Variants in HMGA2 observed in about 807,000 individuals in gnomAD.
HMGA2 encodes high mobility group AT-hook 2.
A neutral mutation model predicts 19.1 loss-of-function variants in HMGA2; 8 were observed. The ratio of observed to expected loss-of-function variants is 0.42; its 90% CI spans 0.25 to 0.76. The LOEUF (loss-of-function observed/expected upper bound fraction) is 0.76. Among genes scored for constraint, HMGA2 ranks in the 30% least tolerant of loss-of-function variants. The pLI is 0.28. For missense variants in HMGA2, 109 were observed against 136.3 expected, an observed-to-expected ratio of 0.80 and a Z score of 1.00; for synonymous variants, 60 against 48.8, an observed-to-expected ratio of 1.23 and a Z score of -0.96.
chr12:65,842,998 T>C, intron 3 of HMGA2: 1 of 462,112 alleles, frequency 2.2e-6, no homozygotes, highest in Non-Finnish European at 3.1e-6. Context: ...AACCAAATAA[T>C]GAAGACTACA....
chr12:65,938,942 C>T (rs1875989892), intron 3 of HMGA2, among the ~76,000 whole-genome samples: 1 of 152,084 alleles, frequency 6.6e-6, no homozygotes, highest in African/African-American at 2.4e-5. Flanking sequence ...CACTGGGCCC[C>T]CCAAATCTAA....
intron 4 of HMGA2, among the ~76,000 whole-genome samples, chr12:65,961,625 T>C (rs1333673582): frequency 6.6e-6 from 1 of 152,216 alleles, no homozygotes; most frequent in Non-Finnish European, 1.5e-5. Flanking sequence ...TTTGTATGTG[T>C]GTTTATTCCC....
At chr12:65,920,746 C>T (rs910252785) in intron 3 of HMGA2, among the ~76,000 whole-genome samples, 3 of 152,218 alleles carry the variant, frequency 2.0e-5, no homozygotes, top group African/African-American at 7.2e-5. Context: ...CCATGTGGAA[C>T]TGTAAGTCCA....
In HMGA2 at chr12:65,825,387, T is replaced by A; in HGVS notation, c.111+6T>A. The A allele has an allele frequency of 6.6e-7, 1 of 1,514,810 alleles. No homozygotes were observed. The highest frequency in any genetic ancestry group is 8.8e-7 in the Non-Finnish European group (1 of 1,134,414). The allele number at this position is 1,514,810 out of a possible 1,614,324, so 93.8% of individuals were successfully genotyped here. A position where few individuals can be genotyped will look rare whatever the true frequency, so the allele number is the denominator to read the frequency against. The stretch of plus-strand genomic sequence containing the variant: ...GCCCCAGGAAGCAGCAGCAAGTCAG[T>A]ACGAGGGCGCGGTGGGGGCACCAGC... On this transcript the variant is annotated splice_donor_region_variant and intron_variant, in intron 1 of 4. Coordinates refer to ENST00000403681, the MANE Select transcript of HMGA2 (RefSeq NM_003483.6). This position sits in a 1 kb window ranked among gnomAD's most constrained non-coding sequence, Gnocchi z 4.4.
At chr12:65,850,514 A>ATTT (rs75062051) in intron 3 of HMGA2, among the ~76,000 whole-genome samples, 1 of 143,890 alleles carries the variant, frequency 6.9e-6, no homozygotes, top group African/African-American at 2.5e-5. Flanking sequence ...AAGAGACCGA[A>ATTT]TTTTTTTTTT....
intron 3 of HMGA2, among the ~76,000 whole-genome samples, chr12:65,931,249 CT>C (rs1875699125): frequency 6.6e-6 from 1 of 152,062 alleles, no homozygotes; most frequent in African/African-American, 2.4e-5. Flanking sequence ...TCTTTATATT[CT>C]TTTAAGTTAT....
At chr12:65,837,816 A>G (rs919916824) in intron 2 of HMGA2, among the ~76,000 whole-genome samples, 2 of 152,204 alleles carry the variant, frequency 1.3e-5, no homozygotes, top group Admixed American at 6.5e-5. Flanking sequence ...AATAAAGTAC[A>G]TTTTTAATTA....
At chr12:65,904,191 T>G (rs952686803) in intron 3 of HMGA2, among the ~76,000 whole-genome samples, 2 of 152,082 alleles carry the variant, frequency 1.3e-5, no homozygotes, top group Non-Finnish European at 2.9e-5. Context: ...AATTAACTCA[T>G]GGGTTGAGAG....
chr12:65,906,688 G>T (rs944923021), intron 3 of HMGA2, among the ~76,000 whole-genome samples: 1 of 152,066 alleles, frequency 6.6e-6, no homozygotes, highest in Admixed American at 6.6e-5. Context: ...CCACTAGAAG[G>T]GTAGAGGGGG....
chr12:65,853,120 G>A (rs113053248), intron 3 of HMGA2, among the ~76,000 whole-genome samples: 2,696 of 152,258 alleles, frequency 0.018, 27 homozygotes, highest in Non-Finnish European at 0.029. Context: ...GTGGGGAACT[G>A]GGAGTGTGGC....
chr12:65,945,380 T>G (rs1876230698), intron 3 of HMGA2, among the ~76,000 whole-genome samples: 1 of 152,148 alleles, frequency 6.6e-6, no homozygotes, highest in Non-Finnish European at 1.5e-5. Context: ...GATCACATAA[T>G]TTCGTGAAAG....
intron 3 of HMGA2, chr12:65,858,055 T>C (rs1361981727): frequency 6.5e-6 from 1 of 152,722 alleles, no homozygotes. Flanking sequence ...AATGACCAGC[T>C]GGGAGGAACC....
At chr12:65,878,237 C>A (rs554311872) in intron 3 of HMGA2, among the ~76,000 whole-genome samples, 1 of 152,316 alleles carries the variant, frequency 6.6e-6, no homozygotes, top group Non-Finnish European at 1.5e-5. Flanking sequence ...AATGAGGATG[C>A]ATAAACTTGT....
In HMGA2 at chr12:65,920,879, T is replaced by A. The variant is rs370512314; in HGVS notation, c.250-30504T>A. 1.9e-3 allele frequency among the ~76,000 whole-genome samples: 283 copies of A among 152,274 alleles called. 2 individuals are homozygous for A. The highest frequency in any genetic ancestry group is 0.01 in the Middle Eastern group (3 of 294). On this transcript the variant is annotated intron_variant, in intron 3 of 4. Coordinates refer to ENST00000403681, the MANE Select transcript of HMGA2 (RefSeq NM_003483.6). Reference sequence around the variant, plus strand: ...ATTGCTGAAAAGCTACCTGAAAATGTGGAAGCGACTTTGGAACTGGGCAAC... The same window carrying A: ...ATTGCTGAAAAGCTACCTGAAAATGAGGAAGCGACTTTGGAACTGGGCAAC...
chr12:65,865,949 T>A (rs79207076), intron 3 of HMGA2, among the ~76,000 whole-genome samples: 2,206 of 152,202 alleles, frequency 0.014, 49 homozygotes, highest in African/African-American at 0.051. Flanking sequence ...GCCATCCCCA[T>A]CTATTTTTCA....
At chr12:65,941,882 A>G (rs1274561348) in intron 3 of HMGA2, among the ~76,000 whole-genome samples, 1 of 152,184 alleles carries the variant, frequency 6.6e-6, no homozygotes, top group East Asian at 1.9e-4. Context: ...TAAAAATCAT[A>G]TTTTTCTGTA....
At chr12:65,837,646 T>C (rs565806268) in intron 2 of HMGA2, among the ~76,000 whole-genome samples, 1 of 152,302 alleles carries the variant, frequency 6.6e-6, no homozygotes, top group African/African-American at 2.4e-5. Context: ...GGTGTGTTGT[T>C]GTGTATGAAG....
At chr12:65,884,682 A>G (rs1298709280) in intron 3 of HMGA2, among the ~76,000 whole-genome samples, 1 of 152,236 alleles carries the variant, frequency 6.6e-6, no homozygotes, top group Non-Finnish European at 1.5e-5. Context: ...TAATGGAATT[A>G]TGCTTCTAAA....
chr12:65,915,939 T>C (rs908800000), intron 3 of HMGA2, among the ~76,000 whole-genome samples: 10 of 152,184 alleles, frequency 6.6e-5, no homozygotes, highest in South Asian at 2.1e-4. Context: ...CCAAATGACC[T>C]AACCCAGGGT....
Sources: allele counts gnomAD v4.1 joint callset (sites outside exome capture counted in the v4.1 genomes callset), GRCh38; gene constraint gnomAD v4.1.1; non-coding constraint Gnocchi (gnomAD v3.1); transcripts MANE v1.5; gene names NCBI Gene and HGNC (gene_info 2026-07-23, HGNC 2026-07-21).